CARS1: variants seen among roughly 807,000 people sequenced by gnomAD.
CARS1 encodes the protein cysteinyl-tRNA synthetase 1.
CARS1 carries 48 observed loss-of-function variants against 106.2 expected under a neutral mutation model. The ratio of observed to expected loss-of-function variants is 0.45; its 90% CI spans 0.36 to 0.57. CARS1 has a LOEUF of 0.57. Ranked by LOEUF, CARS1 falls within the 20% of genes least tolerant of loss-of-function variation. The pLI is 0.00. For missense variants in CARS1, 968 were observed against 1,057.2 expected, an observed-to-expected ratio of 0.92 and a Z score of 1.17; for synonymous variants, 409 against 403.4, an observed-to-expected ratio of 1.01 and a Z score of -0.17.
Position 3,017,767 on chromosome 11 carries a change from G to T in CARS1, c.1727+90C>A. On this transcript the variant is annotated intron_variant, in intron 15 of 22. Transcript: ENST00000380525. This position sits in a 1 kb window ranked among gnomAD's most constrained non-coding sequence, Gnocchi z 4.9. ...ACGACAGTGTCCCCAGCCCTTCCTC[G>T]ACAGTCCAGGACACATGGTGGCCAA... 1 of 850,480 alleles carries T rather than the reference G, an allele frequency of 1.2e-6. No individual in the cohort carries two copies. Among genetic ancestry groups the T allele is most frequent in the Non-Finnish European group, 2.0e-6 (1 of 508,750 alleles). The allele number at this position is 850,480 out of a possible 1,614,324, so 52.7% of individuals were successfully genotyped here. A position where few individuals can be genotyped will look rare whatever the true frequency, so the allele number is the denominator to read the frequency against.
chr11:3,037,922 A>C lies in CARS1; in HGVS notation c.801+128T>G. 1 of 923,836 alleles carries C rather than the reference A, an allele frequency of 1.1e-6. No homozygotes were observed. The allele number at this position is 923,836 out of a possible 1,614,324, so 57.2% of individuals were successfully genotyped here. ...AGAACAGGGCCGCCTGCCACAGTGG[A>C]GCTACTGGAGACACAGAGTGTCTTC... On this transcript the variant is annotated intron_variant, in intron 7 of 22. Coordinates refer to ENST00000380525, the MANE Select transcript of CARS1 (RefSeq NM_001014437.3). The surrounding 1 kb of genome is among the most constrained non-coding windows in gnomAD (Gnocchi z 5.9).
rs1403708994 is a variant in CARS1 at position 3,045,738 on chromosome 11, C to A, written c.274+2015G>T. The stretch of plus-strand genomic sequence containing the variant: ...GAGGAGGGGCACATGGCCCACTGTG[C>A]CAGCAAGGAAGGTGCATGCTTGGGG... On this transcript the variant is annotated intron_variant, in intron 2 of 22. Coordinates refer to ENST00000380525, the MANE Select transcript of CARS1 (RefSeq NM_001014437.3). This position sits in a 1 kb window ranked among gnomAD's most constrained non-coding sequence, Gnocchi z 5.6. Among the ~76,000 whole-genome samples the A allele has an allele frequency of 6.6e-6, 1 of 152,176 alleles. No homozygotes were observed. Among genetic ancestry groups the A allele is most frequent in the Non-Finnish European group, 1.5e-5 (1 of 68,022 alleles).
chr11:3,057,318 A>T (rs778116977), intron 1 of CARS1, 25 bp downstream of exon 1: 3 of 1,604,726 alleles, frequency 1.9e-6, no homozygotes, highest in Non-Finnish European at 1.7e-6. Context: ...AGCCGCCCTC[A>T]GCCTGGCCCG....
At position 3,038,103 on chromosome 11, in the gene CARS1, C is replaced by T; in HGVS notation, c.748G>A (p.Glu250Lys). The change falls in exon 7 of 23, where the codon GAG (glutamate) becomes AAG (lysine). Residue 250 changes from glutamate to lysine, a missense_variant. Transcript: ENST00000380525. The surrounding 1 kb of genome is among the most constrained non-coding windows in gnomAD (Gnocchi z 4.0). ...GTGAGTCTGGACTGCACAGCTTTCT[C>T]AAGTGGCTCTGTGGCAAGCTGCACT... ...HAVQLATEPL[E>K]KAVQSRLTGE... is the part of the protein sequence containing the mutation. The T allele has an allele frequency of 6.2e-7, 1 of 1,614,222 alleles. No homozygotes were observed. Among genetic ancestry groups the T allele is most frequent in the Non-Finnish European group, 8.5e-7 (1 of 1,180,014 alleles).
chr11:3,028,650 A>C lies in CARS1; in HGVS notation c.1031+346T>G. On this transcript the variant is annotated intron_variant, in intron 9 of 22. Coordinates refer to ENST00000380525, the MANE Select transcript of CARS1 (RefSeq NM_001014437.3). The surrounding 1 kb of genome is among the most constrained non-coding windows in gnomAD (Gnocchi z 4.4). Reference sequence around the variant, plus strand: ...TTCGGGATATGACACCAGGACTAGCACTCTCAAAATGTCTACGCAATGGCA... The same window carrying C: ...TTCGGGATATGACACCAGGACTAGCCCTCTCAAAATGTCTACGCAATGGCA... The C allele has an allele frequency of 2.9e-6, 1 of 343,510 alleles. No individual in the cohort carries two copies. The highest frequency in any genetic ancestry group is 5.3e-6 in the Non-Finnish European group (1 of 190,450). The allele number at this position is 343,510 out of a possible 1,614,324, so 21.3% of individuals were successfully genotyped here. A position where few individuals can be genotyped will look rare whatever the true frequency, so the allele number is the denominator to read the frequency against.
At chr11:3,023,677 A>C (rs1590392246) in intron 10 of CARS1, among the ~76,000 whole-genome samples, 5 of 142,990 alleles carry the variant, frequency 3.5e-5, no homozygotes, top group Admixed American at 3.4e-4. Flanking sequence ...TATAGGCATG[A>C]GCTATAATTC....
intron 7 of CARS1, among the ~76,000 whole-genome samples, chr11:3,035,124 C>A (rs764605131): frequency 7.2e-5 from 11 of 152,180 alleles, no homozygotes; most frequent in Non-Finnish European, 1.5e-4. Context: ...AAAGGCCTTA[C>A]CTCTTAATAC....
chr11:3,014,874 C>T (rs1565034266), intron 17 of CARS1, among the ~76,000 whole-genome samples: 1 of 152,256 alleles, frequency 6.6e-6, no homozygotes, highest in Non-Finnish European at 1.5e-5. Context: ...CTTCACACCA[C>T]TTGTCATTAG....
rs1379412591 is a variant in CARS1 at position 3,046,634 on chromosome 11, G to T, written c.274+1119C>A. ...GAGGCCTGACCCACGGCAGAGGCGG[G>T]GGGGCATGTTCCCAATCCCAGGCCC... On this transcript the variant is annotated intron_variant, in intron 2 of 22. Coordinates refer to ENST00000380525, the MANE Select transcript of CARS1 (RefSeq NM_001014437.3). This position sits in a 1 kb window ranked among gnomAD's most constrained non-coding sequence, Gnocchi z 5.8. 6.6e-6 allele frequency among the ~76,000 whole-genome samples: 1 copy of T among 152,142 alleles called. No individual in the cohort carries two copies. The highest frequency in any genetic ancestry group is 2.4e-5 in the African/African-American group (1 of 41,436).
rs1200127132 is a variant in CARS1, at chr11:3,030,593, A to C, written c.802-1150T>G. On this transcript the variant is annotated intron_variant, in intron 7 of 22. Transcript: ENST00000380525. The surrounding 1 kb of genome is among the most constrained non-coding windows in gnomAD (Gnocchi z 5.7). ...CAAGGTCACGACCCAGCAAGAACCG[A>C]CATCCTAATCGAGGTCACCAAACAC... 1 of 152,288 alleles carries C rather than the reference A, an allele frequency of 6.6e-6. No homozygotes were observed. Among genetic ancestry groups the C allele is most frequent in the East Asian group, 1.9e-4 (1 of 5,196 alleles). 9.4% of individuals were successfully genotyped at this position (152,288 alleles called of 1,614,324 possible).
rs530314684 is a variant in CARS1 at position 3,003,926 on chromosome 11, C to A, written c.2218-1326G>T. ...AGCTACTAGAAGTCACAGGCCACAG[C>A]CAAGGTGGCCAGTGGAAAGGCCAGC... is the stretch of plus-strand genomic sequence containing the variant. On this transcript the variant is annotated intron_variant, in intron 20 of 22. Coordinates refer to ENST00000380525, the MANE Select transcript of CARS1 (RefSeq NM_001014437.3). The surrounding 1 kb of genome is among the most constrained non-coding windows in gnomAD (Gnocchi z 4.8). Among the ~76,000 whole-genome samples the A allele has an allele frequency of 2.0e-3, 304 of 152,288 alleles. No individual in the cohort carries two copies. The highest frequency in any genetic ancestry group is 7.0e-3 in the African/African-American group (291 of 41,548).
In CARS1 at chr11:3,041,247, G is replaced by A; in HGVS notation, c.367-263C>T. On this transcript the variant is annotated intron_variant, in intron 3 of 22. Coordinates refer to ENST00000380525, the MANE Select transcript of CARS1 (RefSeq NM_001014437.3). This position sits in a 1 kb window ranked among gnomAD's most constrained non-coding sequence, Gnocchi z 4.9. The stretch of plus-strand genomic sequence containing the variant: ...CATCTATGGAGGGAGGCGATAAAGG[G>A]AATCAATGATTTTATTGATTGTTGA... The A allele has an allele frequency of 2.1e-6, 1 of 469,694 alleles. No individual in the cohort carries two copies. 29.1% of individuals were successfully genotyped at this position (469,694 alleles called of 1,614,324 possible). A position where few individuals can be genotyped will look rare whatever the true frequency, so the allele number is the denominator to read the frequency against.
chr11:3,055,419 G>C (rs1856106633), intron 1 of CARS1, among the ~76,000 whole-genome samples: 2 of 152,226 alleles, frequency 1.3e-5, no homozygotes, highest in Non-Finnish European at 1.5e-5. Flanking sequence ...GGGATTACAG[G>C]TGTGAGCCAC....
rs763653020 is a variant in CARS1 at position 3,039,313 on chromosome 11, T to C, written c.553-21A>G. 35 of 1,480,164 alleles carry C rather than the reference T, an allele frequency of 2.4e-5. No individual in the cohort carries two copies. The South Asian group carries it at 2.7e-4, about 11-fold the overall frequency. 91.7% of individuals were successfully genotyped at this position (1,480,164 alleles called of 1,614,324 possible). A position where few individuals can be genotyped will look rare whatever the true frequency, so the allele number is the denominator to read the frequency against. ...ATGATCTGGGGAGGGAAGGCAGACA[T>C]TGGGGAGTGATGCTTGGATCCCACA... On this transcript the variant is annotated intron_variant, in intron 5 of 22. Coordinates refer to ENST00000380525, the MANE Select transcript of CARS1 (RefSeq NM_001014437.3). The surrounding 1 kb of genome is among the most constrained non-coding windows in gnomAD (Gnocchi z 5.6).
In CARS1 at chr11:3,038,890, A is replaced by G. The variant is rs1163429740; in HGVS notation, c.651+304T>C. 6.6e-6 allele frequency among the ~76,000 whole-genome samples: 1 copy of G among 152,210 alleles called. No individual in the cohort carries two copies. Among genetic ancestry groups the G allele is most frequent in the Non-Finnish European group, 1.5e-5 (1 of 68,034 alleles). ...ACCTTGGCATTGAAAATTAGACAGC[A>G]ATATTGGTAAGCATTTTTATAAGTG... On this transcript the variant is annotated intron_variant, in intron 6 of 22. Transcript: ENST00000380525. This position sits in a 1 kb window ranked among gnomAD's most constrained non-coding sequence, Gnocchi z 4.0.
rs1207728577 is a variant in CARS1 at position 3,053,686 on chromosome 11, C to T, written c.25+3657G>A. Among the ~76,000 whole-genome samples, 1 of 152,150 alleles carries T rather than the reference C, an allele frequency of 6.6e-6. No homozygotes were observed. The highest frequency in any genetic ancestry group is 6.5e-5 in the Admixed American group (1 of 15,280). On this transcript the variant is annotated intron_variant, in intron 1 of 22. Coordinates refer to ENST00000380525, the MANE Select transcript of CARS1 (RefSeq NM_001014437.3). The surrounding 1 kb of genome is among the most constrained non-coding windows in gnomAD (Gnocchi z 6.6). The stretch of plus-strand genomic sequence containing the variant: ...TCACATTCTTGGGCTCACCAGAGAC[C>T]TGCCAAATCAGAATCTCTGGGGTGG...
chr11:3,054,807 A>G (rs766885199), intron 1 of CARS1: 78 of 695,852 alleles, frequency 1.1e-4, no homozygotes, highest in Non-Finnish European at 1.9e-4. Flanking sequence ...CTCATGCTGA[A>G]AAAATGCTGG....
rs1000028748 is a variant in CARS1, at chr11:3,045,809, G to A, written c.274+1944C>T. The stretch of plus-strand genomic sequence containing the variant: ...AGGGCGTTCCCACTCAGTGGGGGAA[G>A]CAGCTCTGATTGTCACAGCTACATG... On this transcript the variant is annotated intron_variant, in intron 2 of 22. Coordinates refer to ENST00000380525, the MANE Select transcript of CARS1 (RefSeq NM_001014437.3). This position sits in a 1 kb window ranked among gnomAD's most constrained non-coding sequence, Gnocchi z 5.6. Among the ~76,000 whole-genome samples, 2 of 152,210 alleles carry A rather than the reference G, an allele frequency of 1.3e-5. No homozygotes were observed. Among genetic ancestry groups the A allele is most frequent in the African/African-American group, 4.8e-5 (2 of 41,454 alleles).
In CARS1 at chr11:3,018,601, G is replaced by A. The variant is rs1479390428; in HGVS notation, c.1525+19C>T. On this transcript the variant is annotated intron_variant, in intron 13 of 22. Transcript: ENST00000380525. ...ATGAGAAGGTGGTTGGGGGGTCTGT[G>A]GGAGAAGCCAGTGTATACCTGAGTG... 1.2e-6 allele frequency: 2 copies of A among 1,613,826 alleles called. No homozygotes were observed. Among genetic ancestry groups the A allele is most frequent in the East Asian group, 4.5e-5 (2 of 44,872 alleles).
Sources: gnomAD v4.1 joint callset for allele counts (sites outside exome capture counted in the v4.1 genomes callset) on GRCh38, gnomAD v4.1.1 for gene constraint, Gnocchi (gnomAD v3.1) non-coding constraint, MANE v1.5 for transcripts, NCBI Gene and HGNC (gene_info 2026-07-23, HGNC 2026-07-21) for gene names.